Variants in OR6C3 observed in about 807,000 individuals in gnomAD.
OR6C3 encodes olfactory receptor 6C3.
For synonymous variants in OR6C3, 177 were observed against 137.4 expected (o/e 1.29, Z -2.02); for missense variants, 487 against 364.6 (o/e 1.34, Z -2.73).
upstream of OR6C3, chr12:55,330,609 G>T (rs149417984): frequency 1.3e-5 from 2 of 152,122 alleles, no homozygotes; most frequent in Admixed American, 1.3e-4. Context: ...TAACTGACTA[G>T]GTTAGAATGA....
At position 55,332,449 on chromosome 12, in the gene OR6C3, G is replaced by C; in HGVS notation, c.749G>C (p.Gly250Ala). 6.2e-7 allele frequency: 1 copy of C among 1,613,852 alleles called. No individual in the cohort carries two copies. Among genetic ancestry groups the C allele is most frequent in the Non-Finnish European group, 8.5e-7 (1 of 1,179,928 alleles). The part of the protein sequence containing the change: ...SHMIVISISY[G>A]SCIFMYANPS... ...ATGATTGTCATTTCCATTTCTTATG[G>C]AAGCTGTATATTCATGTATGCTAAT... The change falls in exon 2 of 2, where the codon GGA becomes GCA. Residue 250 changes from glycine (G) to alanine (A), a missense_variant. By Grantham distance (60) the Gly-to-Ala change is moderately conservative (BLOSUM62 0). Transcript: ENST00000641740.
rs764595080 is a variant in OR6C3 at position 55,332,223 on chromosome 12, G to T, written c.523G>T (p.Ala175Ser). Residue 175 changes from alanine (A) to serine (S), a missense_variant, in exon 2 of 2, where the codon GCA becomes TCA. Coordinates refer to ENST00000641740, the MANE Select transcript of OR6C3 (RefSeq NM_001388498.1). ...TGCTTCCAACGTCATTGATCACTTT[G>T]CATGTGACTATTTTCCCCTCTTACA... is the stretch of plus-strand genomic sequence containing the variant. ...YCASNVIDHF[A>S]CDYFPLLQLS... is the part of the protein sequence containing the mutation. The T allele has an allele frequency of 1.9e-6, 3 of 1,614,030 alleles. No homozygotes were observed. Among genetic ancestry groups the T allele is most frequent in the Non-Finnish European group, 2.5e-6 (3 of 1,180,020 alleles).
At position 55,332,288 on chromosome 12, in the gene OR6C3, T is replaced by A. The variant is rs747288743; in HGVS notation, c.588T>A (p.Gly196=). ...CSDTWLLEVI[G]FYFALVTLLF... is the part of the protein sequence containing the mutation. ...ATACATGGCTCCTAGAAGTAATTGG[T>A]TTTTACTTTGCTTTGGTTACTTTGC... is the stretch of plus-strand genomic sequence containing the variant. Residue 196 remains glycine (G), a synonymous_variant, in exon 2 of 2, where the codon GGT becomes GGA. Coordinates refer to ENST00000641740, the MANE Select transcript of OR6C3 (RefSeq NM_001388498.1). 1 of 1,614,024 alleles carries A rather than the reference T, an allele frequency of 6.2e-7. No homozygotes were observed. Among genetic ancestry groups the A allele is most frequent in the Admixed American group, 1.7e-5 (1 of 60,026 alleles).
rs752596773 is a variant in OR6C3 at position 55,332,629 on chromosome 12, A to C, written c.929A>C (p.Asn310Thr). 1 of 1,561,846 alleles carries C rather than the reference A, an allele frequency of 6.4e-7. No homozygotes were observed. Among genetic ancestry groups the C allele is most frequent in the Admixed American group, 2.0e-5 (1 of 49,976 alleles). ...GTCCACAAAGTTGTGTTTTATGCAA[A>C]TCAATGAATTTTTGGTCAAAAATAA... is the stretch of plus-strand genomic sequence containing the variant. Reference protein sequence around the residue: ...NVVHKVVFYANQ With the variant: ...NVVHKVVFYATQ Residue 310 changes from asparagine (N) to threonine (T), a missense_variant, in exon 2 of 2, where the codon AAT becomes ACT. Asn to Thr is a moderately conservative substitution (Grantham distance 65, BLOSUM62 0). Coordinates refer to ENST00000641740, the MANE Select transcript of OR6C3 (RefSeq NM_001388498.1).
At chr12:55,330,971 A>T (rs11171412) in intron 1 of OR6C3, among the ~76,000 whole-genome samples, 164 bp downstream of exon 1, 2,503 of 152,192 alleles carry the variant, frequency 0.016, 64 homozygotes, top group African/African-American at 0.056. Context: ...TGATGGAATT[A>T]TAAGACAAAC....
chr12:55,331,318 AAAG>A (rs896906710), intron 1 of OR6C3, among the ~76,000 whole-genome samples: 1 of 151,808 alleles, frequency 6.6e-6, no homozygotes, highest in Non-Finnish European at 1.5e-5. Flanking sequence ...ATGATGAAAA[AAAG>A]AAAAATGTAT....
Sources: gnomAD v4.1 joint callset for allele counts (sites outside exome capture counted in the v4.1 genomes callset) on GRCh38, gnomAD v4.1.1 for gene constraint, MANE v1.5 for transcripts, NCBI Gene and HGNC (gene_info 2026-07-23, HGNC 2026-07-21) for gene names.